Variants in PCDHA4 observed in about 807,000 individuals in gnomAD.
PCDHA4 encodes protocadherin alpha-4.
In PCDHA4, 49 loss-of-function variants were observed where a neutral mutation model predicts 61.4. That is an observed-to-expected ratio of 0.80 (90% CI 0.63 to 1.01). PCDHA4 has a LOEUF of 1.01. PCDHA4 is among the 50% of genes least tolerant of loss of function. The pLI is 0.00. For missense variants in PCDHA4, 1,254 were observed against 1,235.8 expected (o/e 1.01, Z -0.22); for synonymous variants, 590 against 550.3 (o/e 1.07, Z -1.01).
chr5:140,841,805 G>C (rs1442483448), intron 1 of PCDHA4: 1 of 1,613,818 alleles, frequency 6.2e-7, no homozygotes, highest in African/African-American at 1.3e-5. Context: ...CGATGCAGAT[G>C]TTGGAGCTAA....
rs1351628380 is a variant in PCDHA4, at chr5:140,928,607, G to A, written c.2386-50342G>A. ...TCTGTCCCAGTGGAAATTGTGCCCC[G>A]CTCTGCCAGGACTGGACACTTGGTC... On this transcript the variant is annotated intron_variant, in intron 1 of 3. Coordinates refer to ENST00000530339, the MANE Select transcript of PCDHA4 (RefSeq NM_018907.4). 3.1e-6 allele frequency: 5 copies of A among 1,614,068 alleles called. No homozygotes were observed. In the South Asian group the frequency reaches 3.3e-5, roughly 11 times the overall value.
intron 1 of PCDHA4, among the ~76,000 whole-genome samples, chr5:140,959,410 T>C (rs564453268): frequency 6.6e-5 from 10 of 152,300 alleles, no homozygotes; most frequent in Non-Finnish European, 1.3e-4. Flanking sequence ...AAGTGTTGAT[T>C]GATCTGAGAA....
rs2150119799 is a variant in PCDHA4 at position 140,822,853 on chromosome 5, G to A, written c.2385+13281G>A. Reference sequence around the variant, plus strand: ...AACCACCCTTTTCCTGCCTGTCAAAGAGGACGCTCCACTCAGCACGGTCAT... The same window carrying A: ...AACCACCCTTTTCCTGCCTGTCAAAAAGGACGCTCCACTCAGCACGGTCAT... On this transcript the variant is annotated intron_variant, in intron 1 of 3. Transcript: ENST00000530339. 68 of 1,614,082 alleles carry A rather than the reference G, an allele frequency of 4.2e-5. No individual in the cohort carries two copies. Among genetic ancestry groups the A allele is most frequent in the East Asian group, 1.6e-4 (7 of 44,900 alleles).
intron 1 of PCDHA4, chr5:140,966,610 C>A: frequency 1.4e-6 from 1 of 715,490 alleles, no homozygotes; most frequent in Non-Finnish European, 2.1e-6. Context: ...CTTGGGAGGG[C>A]CTACGGAGGG....
intron 1 of PCDHA4, chr5:140,811,701 G>A (rs1164778955): frequency 1.3e-5 from 2 of 152,172 alleles, no homozygotes; most frequent in Non-Finnish European, 2.9e-5. Flanking sequence ...TCTAACTGGT[G>A]TGAGATGGTA....
chr5:140,867,407 T>C (rs1376336154), intron 1 of PCDHA4: 1 of 152,154 alleles, frequency 6.6e-6, no homozygotes, highest in African/African-American at 2.4e-5. Flanking sequence ...ATATGTCTCC[T>C]TTAATTTTTT....
At chr5:140,828,935 A>G in intron 1 of PCDHA4, 1 of 1,614,238 alleles carries the variant, frequency 6.2e-7, no homozygotes, top group Non-Finnish European at 8.5e-7. Flanking sequence ...ATATTCTTTT[A>G]ATAGCCTTGT....
intron 1 of PCDHA4, chr5:140,929,246 C>A: frequency 6.2e-7 from 1 of 1,613,738 alleles, no homozygotes; most frequent in Non-Finnish European, 8.5e-7. Flanking sequence ...AATCTTGCCA[C>A]TGGGGTAGGA....
intron 1 of PCDHA4, among the ~76,000 whole-genome samples, chr5:140,879,380 T>C (rs1213546230): frequency 6.6e-6 from 1 of 152,106 alleles, no homozygotes; most frequent in Admixed American, 6.5e-5. Flanking sequence ...CAGAACAAGG[T>C]TGGAGAAACA....
intron 1 of PCDHA4, among the ~76,000 whole-genome samples, chr5:140,961,560 AT>A (rs1223583703): frequency 1.4e-4 from 22 of 152,140 alleles, no homozygotes; most frequent in African/African-American, 4.6e-4. Flanking sequence ...CTTTTTTTAA[AT>A]TTTGTTTTGA....
chr5:140,940,502 G>A (rs182744023), intron 1 of PCDHA4, among the ~76,000 whole-genome samples: 2 of 151,906 alleles, frequency 1.3e-5, no homozygotes, highest in Admixed American at 6.5e-5. Context: ...TTGCTCCGTC[G>A]CTCAGGCGTG....
At position 140,867,369 on chromosome 5, in the gene PCDHA4, G is replaced by A. The variant is rs554108396; in HGVS notation, c.2385+57797G>A. On this transcript the variant is annotated intron_variant, in intron 1 of 3. Coordinates refer to ENST00000530339, the MANE Select transcript of PCDHA4 (RefSeq NM_018907.4). ...CTATGATTGATTATTTTACAGATGC[G>A]TAATGGAATTAACGGTTATAAAAGT... is the stretch of plus-strand genomic sequence containing the variant. 21 of 152,194 alleles carry A rather than the reference G, an allele frequency of 1.4e-4. 1 individual carries two copies. Among genetic ancestry groups the A allele is most frequent in the South Asian group, 1.0e-3 (5 of 4,822 alleles). The allele number at this position is 152,194 out of a possible 1,614,324, so 9.4% of individuals were successfully genotyped here.
chr5:140,919,601 A>G (rs1465882979), intron 1 of PCDHA4, among the ~76,000 whole-genome samples: 1 of 152,178 alleles, frequency 6.6e-6, no homozygotes, highest in Non-Finnish European at 1.5e-5. Context: ...TTTAAAATAA[A>G]TTTTAAACTG....
intron 1 of PCDHA4, among the ~76,000 whole-genome samples, chr5:140,906,517 TACTC>T (rs2072719927): frequency 2.0e-5 from 3 of 152,358 alleles, no homozygotes; most frequent in Admixed American, 6.5e-5. Context: ...AAGGAGGAAA[TACTC>T]ACGACAATTA....
At chr5:140,824,706 C>T (rs1214365803) in intron 1 of PCDHA4, 3 of 149,174 alleles carry the variant, frequency 2.0e-5, no homozygotes, top group Admixed American at 6.7e-5. Flanking sequence ...GCCATGCTCC[C>T]GTCTCAGCCT....
At chr5:140,968,494 C>T in intron 1 of PCDHA4, 1 of 1,614,096 alleles carries the variant, frequency 6.2e-7, no homozygotes, top group Non-Finnish European at 8.5e-7. Flanking sequence ...ATGACCATGC[C>T]CCTCACATTC....
rs1764445088 is a variant in PCDHA4, at chr5:140,809,379, C to G, written c.2192C>G (p.Ala731Gly). The G allele has an allele frequency of 1.9e-6, 3 of 1,614,006 alleles. No individual in the cohort carries two copies. The African/African-American group carries it at 4.0e-5, about 22-fold the overall frequency. ...LRCSALPTEGACAPGKPTLVC... is the reference protein window; with the variant it reads ...LRCSALPTEGGCAPGKPTLVC... The stretch of plus-strand genomic sequence containing the variant: ...TGCTCTGCGCTGCCCACCGAGGGCG[C>G]GTGCGCTCCGGGCAAGCCCACGCTG... The change falls in exon 1 of 4, where the codon GCG becomes GGG. Residue 731 changes from alanine (A) to glycine (G), a missense_variant. Physicochemically the swap from Ala to Gly is moderately conservative, Grantham distance 60. Transcript: ENST00000530339.
intron 1 of PCDHA4, chr5:140,870,719 C>A (rs782257127): frequency 1.9e-6 from 3 of 1,613,084 alleles, no homozygotes; most frequent in Admixed American, 3.3e-5. Flanking sequence ...GCGCGCGATG[C>A]GGGCGTGCCG....
At position 141,011,260 on chromosome 5, in the gene PCDHA4, C is replaced by T. The variant is rs2098420018; in HGVS notation, c.*1323C>T. On this transcript the variant is annotated 3_prime_UTR_variant, in exon 4 of 4. Coordinates refer to ENST00000530339, the MANE Select transcript of PCDHA4 (RefSeq NM_018907.4). ...TGACTTGTCTTGGTGTGCTAGCCTA[C>T]ACCTTCTCTTTGGTTTAGTTTTCCT... The T allele has an allele frequency of 6.5e-6, 1 of 153,766 alleles. No individual in the cohort carries two copies. The highest frequency in any genetic ancestry group is 6.5e-5 in the Admixed American group (1 of 15,278). 9.5% of individuals were successfully genotyped at this position (153,766 alleles called of 1,614,324 possible).
Sources: allele counts gnomAD v4.1 joint callset (sites outside exome capture counted in the v4.1 genomes callset), GRCh38; gene constraint gnomAD v4.1.1; transcripts MANE v1.5; gene names NCBI Gene and HGNC (gene_info 2026-07-23, HGNC 2026-07-21).